The following NRG1 variants were observed in gnomAD, a reference collection of about 807,000 sequenced individuals.
NRG1 encodes the protein pro-neuregulin-1, membrane-bound isoform.
Under a neutral mutation model 63.8 loss-of-function variants are expected in NRG1, and 18 were observed. The observed-to-expected ratio is 0.28, with a 90% CI of 0.19 to 0.42. The LOEUF (loss-of-function observed/expected upper bound fraction) is 0.42, where lower values mean the gene tolerates loss of function less well. Ranked by LOEUF, NRG1 falls within the 10% of genes least tolerant of loss-of-function variation. The pLI is 1.00. For missense variants in NRG1, 762 were observed against 814.7 expected, an observed-to-expected ratio of 0.94 and a Z score of 0.79; for synonymous variants, 302 against 301.3, an observed-to-expected ratio of 1.00 and a Z score of -0.02.
chr8:32,725,121 A>G (rs1463426405), intron 5 of NRG1, among the ~76,000 whole-genome samples: 1 of 152,088 alleles, frequency 6.6e-6, no homozygotes, highest in Non-Finnish European at 1.5e-5. Flanking sequence ...TTTACATTTT[A>G]TAAGGAGTGT....
chr8:31,741,988 G>A (rs990860369), intron 1 of NRG1, among the ~76,000 whole-genome samples: 2 of 152,010 alleles, frequency 1.3e-5, no homozygotes, highest in African/African-American at 4.8e-5. Flanking sequence ...TAGATTGGCA[G>A]ATAGATAGGA....
intron 1 of NRG1, among the ~76,000 whole-genome samples, chr8:32,540,813 T>C (rs1428348654): frequency 6.6e-6 from 1 of 152,170 alleles, no homozygotes; most frequent in Non-Finnish European, 1.5e-5. Context: ...CTTGCACCTA[T>C]GGGAAAGAGT....
chr8:31,817,026 A>T (rs1823518147), intron 1 of NRG1, among the ~76,000 whole-genome samples: 1 of 152,226 alleles, frequency 6.6e-6, no homozygotes, highest in Non-Finnish European at 1.5e-5. Context: ...TTATAAAAAA[A>T]AATTCTCTAA....
chr8:32,518,418 G>A (rs1830038661), intron 1 of NRG1, among the ~76,000 whole-genome samples: 1 of 152,096 alleles, frequency 6.6e-6, no homozygotes, highest in South Asian at 2.1e-4. Context: ...GCAATATCTA[G>A]TCCCAATTGT....
At position 32,370,937 on chromosome 8, in the gene NRG1, C is replaced by T. The variant is rs114649174; in HGVS notation, c.38-224891C>T. On this transcript the variant is annotated intron_variant, in intron 1 of 10. Coordinates refer to the NRG1 transcript ENST00000519301. Reference sequence around the variant, plus strand: ...GATGAAATGGGATGCTTTCACTAGCCGTGGTTGCTCATGCCTGCAATCCTA... The same window carrying T: ...GATGAAATGGGATGCTTTCACTAGCTGTGGTTGCTCATGCCTGCAATCCTA... 7.2e-3 allele frequency among the ~76,000 whole-genome samples: 1,094 copies of T among 151,162 alleles called. 11 individuals carry two copies. The highest frequency in any genetic ancestry group is 0.024 in the African/African-American group (1,001 of 41,104).
intron 1 of NRG1, among the ~76,000 whole-genome samples, chr8:32,480,496 A>C (rs1017392343): frequency 4.0e-5 from 6 of 151,672 alleles, no homozygotes; most frequent in Non-Finnish European, 7.4e-5. Flanking sequence ...AAAACAAAAA[A>C]AACAAAAAAA....
At chr8:31,781,779 A>G (rs1484419160) in intron 1 of NRG1, among the ~76,000 whole-genome samples, 1 of 152,140 alleles carries the variant, frequency 6.6e-6, no homozygotes, top group Non-Finnish European at 1.5e-5. Context: ...CTGAAACAGA[A>G]TCTGGTTTTT....
chr8:32,766,188 T>C (rs1407609967), exon 12 of NRG1: 2 of 152,150 alleles, frequency 1.3e-5, no homozygotes, highest in Non-Finnish European at 2.9e-5. Flanking sequence ...AGCAGAAAAA[T>C]GCAGGCTGGG....
At chr8:31,860,976 G>A (rs1333467326) in intron 1 of NRG1, among the ~76,000 whole-genome samples, 2 of 152,130 alleles carry the variant, frequency 1.3e-5, no homozygotes, top group Admixed American at 6.6e-5. Flanking sequence ...TTAAATGACT[G>A]TTTCTACTCC....
At chr8:32,678,911 C>T (rs199944220) in intron 5 of NRG1, among the ~76,000 whole-genome samples, 3 of 151,472 alleles carry the variant, frequency 2.0e-5, no homozygotes, top group South Asian at 2.1e-4. Flanking sequence ...TTATTGGTGA[C>T]GAGCTGGGTA....
chr8:32,042,220 G>T (rs1227792341), intron 1 of NRG1, among the ~76,000 whole-genome samples: 2 of 152,078 alleles, frequency 1.3e-5, no homozygotes, highest in East Asian at 3.9e-4. Context: ...CAAGGCAAGA[G>T]AATTGCTTGC....
chr8:32,203,661 C>T (rs1007324596), intron 1 of NRG1, among the ~76,000 whole-genome samples: 4 of 152,152 alleles, frequency 2.6e-5, no homozygotes, highest in Non-Finnish European at 4.4e-5. Flanking sequence ...CACACCCAGC[C>T]TCATTCATTC....
intron 1 of NRG1, among the ~76,000 whole-genome samples, chr8:32,434,645 A>C (rs1818566106): frequency 6.6e-6 from 1 of 152,086 alleles, no homozygotes; most frequent in Non-Finnish European, 1.5e-5. Context: ...CATTCCAGGC[A>C]CTCTGTGCTT....
At chr8:31,843,354 G>T (rs1563471049) in intron 1 of NRG1, among the ~76,000 whole-genome samples, 1 of 152,228 alleles carries the variant, frequency 6.6e-6, no homozygotes, top group East Asian at 1.9e-4. Context: ...TTCCAGATGT[G>T]CACAGAAATA....
At chr8:31,714,221 T>C (rs546703004) in intron 1 of NRG1, among the ~76,000 whole-genome samples, 3 of 151,424 alleles carry the variant, frequency 2.0e-5, no homozygotes, top group East Asian at 1.9e-4. Flanking sequence ...TTCTTTTCTT[T>C]GTTGCTTTTG....
intron 1 of NRG1, among the ~76,000 whole-genome samples, chr8:32,412,451 T>TATATAC (rs1340279592): frequency 1.7e-4 from 10 of 59,946 alleles, no homozygotes; most frequent in African/African-American, 5.5e-4. Flanking sequence ...TATATATATA[T>TATATAC]ACATATATAT....
chr8:32,727,676 G>A (rs1822553225), intron 5 of NRG1, among the ~76,000 whole-genome samples: 1 of 152,064 alleles, frequency 6.6e-6, no homozygotes, highest in African/African-American at 2.4e-5. Context: ...CAACTACCTG[G>A]AAGATAAAAT....
intron 2 of NRG1, among the ~76,000 whole-genome samples, chr8:32,596,463 G>A (rs1409750731): frequency 1.3e-5 from 2 of 152,024 alleles, no homozygotes; most frequent in East Asian, 1.9e-4. Flanking sequence ...AAGTAGCTGG[G>A]AGTGGTGGGC....
intron 1 of NRG1, among the ~76,000 whole-genome samples, chr8:31,815,419 T>C (rs1003940273): frequency 2.0e-5 from 3 of 152,220 alleles, no homozygotes; most frequent in African/African-American, 7.2e-5. Flanking sequence ...ATAGCATATT[T>C]CAGGGTATTT....
Sources: gnomAD v4.1 joint callset for allele counts (sites outside exome capture counted in the v4.1 genomes callset) on GRCh38, gnomAD v4.1.1 for gene constraint, MANE v1.5 for transcripts, NCBI Gene and HGNC (gene_info 2026-07-23, HGNC 2026-07-21) for gene names.